The following PCDH9 variants were observed in gnomAD, a reference collection of about 807,000 sequenced individuals.
PCDH9 encodes the protein protocadherin-9.
A neutral mutation model predicts 70.6 loss-of-function variants in PCDH9; 24 were observed. That is an observed-to-expected ratio of 0.34 (90% CI 0.25 to 0.48). The LOEUF (loss-of-function observed/expected upper bound fraction) is 0.48. Ranked by LOEUF, PCDH9 falls within the 20% of genes least tolerant of loss-of-function variation. The probability of loss-of-function intolerance (pLI) is 0.99; values close to 1 mark genes in which losing one functional copy is unlikely to be tolerated. For synonymous variants in PCDH9, 562 were observed against 558.5 expected, an observed-to-expected ratio of 1.01 and a Z score of -0.09; for missense variants, 1,281 against 1,503.6, an observed-to-expected ratio of 0.85 and a Z score of 2.45.
At chr13:67,086,373 C>T (rs2086107870) in intron 2 of PCDH9, among the ~76,000 whole-genome samples, 1 of 152,158 alleles carries the variant, frequency 6.6e-6, no homozygotes, top group African/African-American at 2.4e-5. Flanking sequence ...TTGCTGTTAG[C>T]CATGCAATTC....
intron 4 of PCDH9, among the ~76,000 whole-genome samples, chr13:66,618,697 CTATT>C (rs1342267513): frequency 6.6e-6 from 1 of 152,118 alleles, no homozygotes; most frequent in African/African-American, 2.4e-5. Context: ...ATTTACATAT[CTATT>C]TATCTATCAT....
chr13:66,377,221 A>G (rs1461560744), intron 4 of PCDH9, among the ~76,000 whole-genome samples: 3 of 152,120 alleles, frequency 2.0e-5, no homozygotes, highest in African/African-American at 4.8e-5. Flanking sequence ...TGTACAGCTC[A>G]TTGTACATTG....
chr13:66,894,524 G>C (rs1340010000), intron 3 of PCDH9, among the ~76,000 whole-genome samples: 1 of 151,984 alleles, frequency 6.6e-6, no homozygotes, highest in Non-Finnish European at 1.5e-5. Flanking sequence ...ACATTCTTCT[G>C]CTATATCCAG....
At chr13:66,308,963 G>A (rs1955517775) in intron 4 of PCDH9, among the ~76,000 whole-genome samples, 2 of 152,028 alleles carry the variant, frequency 1.3e-5, no homozygotes, top group Non-Finnish European at 2.9e-5. Context: ...CTTCTCTGCT[G>A]TGTATCATTA....
At chr13:67,036,729 G>A (rs1239029268) in intron 2 of PCDH9, among the ~76,000 whole-genome samples, 1 of 152,110 alleles carries the variant, frequency 6.6e-6, no homozygotes. Flanking sequence ...CCTCTTCTGT[G>A]CAGACAGCAG....
At chr13:67,107,925 T>G (rs989090574) in intron 2 of PCDH9, among the ~76,000 whole-genome samples, 6 of 152,190 alleles carry the variant, frequency 3.9e-5, no homozygotes, top group African/African-American at 1.2e-4. Context: ...TGGGTGCCAC[T>G]GCATTCCCTT....
chr13:66,526,038 A>G (rs1369304008), intron 4 of PCDH9, among the ~76,000 whole-genome samples: 2 of 152,232 alleles, frequency 1.3e-5, no homozygotes, highest in East Asian at 3.9e-4. Context: ...AGAAGGAACC[A>G]TGGCTATCTC....
chr13:66,571,646 G>A (rs1001341078), intron 4 of PCDH9, among the ~76,000 whole-genome samples: 1 of 151,852 alleles, frequency 6.6e-6, no homozygotes, highest in Admixed American at 6.6e-5. Context: ...TGTTGTTTTT[G>A]TATAATTATT....
At chr13:66,939,422 A>ATGTGTG (rs1356076178) in intron 2 of PCDH9, among the ~76,000 whole-genome samples, 1 of 59,722 alleles carries the variant, frequency 1.7e-5, no homozygotes, top group Non-Finnish European at 3.7e-5. Context: ...ACTTTAAAAT[A>ATGTGTG]TATGTGTGTG....
At chr13:66,740,266 G>A (rs2079237803) in intron 3 of PCDH9, among the ~76,000 whole-genome samples, 1 of 128,404 alleles carries the variant, frequency 7.8e-6, no homozygotes, top group South Asian at 3.1e-4. Context: ...AATGAAGGCA[G>A]AAATAAAGAT....
intron 2 of PCDH9, among the ~76,000 whole-genome samples, chr13:66,923,798 G>A (rs1594265618): frequency 1.3e-5 from 2 of 151,636 alleles, no homozygotes; most frequent in African/African-American, 4.8e-5. Context: ...TAATGAGGAT[G>A]ACATGGTTAC....
chr13:66,518,321 C>A (rs996353804), intron 4 of PCDH9, among the ~76,000 whole-genome samples: 1 of 152,096 alleles, frequency 6.6e-6, no homozygotes, highest in Non-Finnish European at 1.5e-5. Context: ...TTCCACCAAG[C>A]CCCGCCTACA....
intron 2 of PCDH9, among the ~76,000 whole-genome samples, chr13:67,159,480 A>G (rs373771919): frequency 3.3e-5 from 5 of 152,300 alleles, no homozygotes; most frequent in East Asian, 3.9e-4. Flanking sequence ...ATGGAATGGA[A>G]TTTACAAAAA....
chr13:66,469,016 C>T (rs1377986559), intron 4 of PCDH9, among the ~76,000 whole-genome samples: 1 of 152,082 alleles, frequency 6.6e-6, no homozygotes, highest in Non-Finnish European at 1.5e-5. Context: ...TATTCATTTG[C>T]ACATGGGTGT....
At position 66,558,364 on chromosome 13, in the gene PCDH9, G is replaced by C. The variant is rs543671948; in HGVS notation, c.3340+72846C>G. ...TGAAAAAATTAGCATAGTCATAAAAGAAGTGAAGGGTTCTGTCCTGTGCTG... is the reference window on the plus strand; with the variant it reads ...TGAAAAAATTAGCATAGTCATAAAACAAGTGAAGGGTTCTGTCCTGTGCTG... On this transcript the variant is annotated intron_variant, in intron 4 of 4. Coordinates refer to ENST00000377865, the MANE Select transcript of PCDH9 (RefSeq NM_203487.3). Among the ~76,000 whole-genome samples the C allele has an allele frequency of 2.6e-5, 4 of 152,098 alleles. No homozygotes were observed. In the East Asian group the frequency reaches 7.8e-4, roughly 30 times the overall value.
chr13:66,954,601 T>C (rs954596307), intron 2 of PCDH9, among the ~76,000 whole-genome samples: 3 of 152,180 alleles, frequency 2.0e-5, no homozygotes, highest in Admixed American at 6.5e-5. Flanking sequence ...CCATAGCATC[T>C]TGGACAAAAT....
At chr13:67,094,788 T>A (rs915866021) in intron 2 of PCDH9, among the ~76,000 whole-genome samples, 1 of 152,182 alleles carries the variant, frequency 6.6e-6, no homozygotes. Flanking sequence ...TCTTGTGAAT[T>A]TTCTGAATTC....
At chr13:66,346,748 C>T (rs1956218119) in intron 4 of PCDH9, among the ~76,000 whole-genome samples, 1 of 152,208 alleles carries the variant, frequency 6.6e-6, no homozygotes, top group African/African-American at 2.4e-5. Flanking sequence ...CTGGCTCTTT[C>T]TCTAACTGCC....
rs144521416 is a variant in PCDH9 at position 66,333,791 on chromosome 13, A to T, written c.3341-28763T>A. Among the ~76,000 whole-genome samples the T allele has an allele frequency of 5.9e-3, 903 of 152,276 alleles. 5 individuals are homozygous for T. The highest frequency in any genetic ancestry group is 0.02 in the Middle Eastern group (6 of 294). On this transcript the variant is annotated intron_variant, in intron 4 of 4. Transcript: ENST00000377865. ...TTAAGTTCAATTCTGTAAAAAATGTATGTGACCCTGTGATGGTTAATGTTC... is the reference window on the plus strand; with the variant it reads ...TTAAGTTCAATTCTGTAAAAAATGTTTGTGACCCTGTGATGGTTAATGTTC...
Sources: gnomAD v4.1 joint callset for allele counts (sites outside exome capture counted in the v4.1 genomes callset) on GRCh38, gnomAD v4.1.1 for gene constraint, MANE v1.5 for transcripts, NCBI Gene and HGNC (gene_info 2026-07-23, HGNC 2026-07-21) for gene names.